The following MSH3 variants were observed in gnomAD, a reference collection of about 807,000 sequenced individuals.
MSH3 encodes the protein DNA mismatch repair protein Msh3.
A neutral mutation model predicts 123.3 loss-of-function variants in MSH3; 106 were observed. That is an observed-to-expected ratio of 0.86 (90% CI 0.73 to 1.01). MSH3 has a LOEUF of 1.01. MSH3 is among the 50% of genes least tolerant of loss of function. The pLI, the probability that MSH3 is intolerant of heterozygous loss-of-function variation, is 0.00. For synonymous variants in MSH3, 515 were observed against 481.4 expected, an observed-to-expected ratio of 1.07 and a Z score of -0.91; for missense variants, 1,459 against 1,347.6, an observed-to-expected ratio of 1.08 and a Z score of -1.29.
intron 8 of MSH3, among the ~76,000 whole-genome samples, chr5:80,706,289 C>A (rs777340928): frequency 2.6e-5 from 4 of 152,036 alleles, no homozygotes; most frequent in African/African-American, 9.7e-5. Flanking sequence ...ACTCAAAAGG[C>A]GTATGATTGA....
intron 8 of MSH3, among the ~76,000 whole-genome samples, chr5:80,690,933 A>G (rs1181742374): frequency 6.6e-6 from 1 of 152,044 alleles, no homozygotes; most frequent in Non-Finnish European, 1.5e-5. Context: ...ATCTGTCTGT[A>G]TATGCCTTCT....
At chr5:80,800,571 CCTTA>C (rs1487459239) in intron 19 of MSH3, among the ~76,000 whole-genome samples, 1 of 152,172 alleles carries the variant, frequency 6.6e-6, no homozygotes, top group African/African-American at 2.4e-5. Flanking sequence ...TTGACCATTT[CCTTA>C]CTTATTGTGT....
intron 18 of MSH3, among the ~76,000 whole-genome samples, chr5:80,788,600 C>T (rs1280348899): frequency 6.6e-6 from 1 of 152,046 alleles, no homozygotes; most frequent in Non-Finnish European, 1.5e-5. Context: ...CTCTTGAAAC[C>T]AGGATTTTGA....
At chr5:80,775,658 C>T (rs1359926225) in intron 15 of MSH3, 36 bp from the exon 16 acceptor site, 1 of 1,185,658 alleles carries the variant, frequency 8.4e-7, no homozygotes, top group Non-Finnish European at 1.3e-6. Flanking sequence ...ATAATGGTTA[C>T]TTATCTAAAT....
chr5:80,821,747 T>C (rs2112066907), intron 20 of MSH3, among the ~76,000 whole-genome samples: 1 of 152,368 alleles, frequency 6.6e-6, no homozygotes, highest in South Asian at 2.1e-4. Flanking sequence ...GCTTTTTACA[T>C]GGGCCACTTA....
chr5:80,762,177 G>A (rs1397527621), intron 13 of MSH3, among the ~76,000 whole-genome samples: 6 of 152,036 alleles, frequency 3.9e-5, no homozygotes, highest in Admixed American at 6.6e-5. Context: ...TACAGTTTGA[G>A]TCATAGCAAA....
intron 22 of MSH3, among the ~76,000 whole-genome samples, chr5:80,869,037 A>G (rs1746153883): frequency 6.6e-6 from 1 of 152,118 alleles, no homozygotes; most frequent in Non-Finnish European, 1.5e-5. Flanking sequence ...ATAATACTCT[A>G]TTTCCTATGA....
At position 80,706,835 on chromosome 5, in the gene MSH3, G is replaced by A. The variant is rs114739848; in HGVS notation, c.1341-18618G>A. On this transcript the variant is annotated intron_variant, in intron 8 of 23. Coordinates refer to ENST00000265081, the MANE Select transcript of MSH3 (RefSeq NM_002439.5). ...AAATCTTTAGGTATAAATTACATAC[G>A]GCAAATATAAAAAGTTTTATTTTTA... Among the ~76,000 whole-genome samples the A allele has an allele frequency of 4.9e-3, 739 of 151,876 alleles. 5 individuals are homozygous for A. The highest frequency in any genetic ancestry group is 8.6e-3 in the Non-Finnish European group (582 of 67,960).
chr5:80,815,602 G>A (rs1399094368), intron 20 of MSH3, among the ~76,000 whole-genome samples: 1 of 152,134 alleles, frequency 6.6e-6, no homozygotes, highest in Non-Finnish European at 1.5e-5. Context: ...TAAGATTGCT[G>A]CTGCAGCTCC....
chr5:80,818,382 T>TTTAAAAAAA (rs1580068996), intron 20 of MSH3, among the ~76,000 whole-genome samples: 1 of 13,754 alleles, frequency 7.3e-5, no homozygotes, highest in African/African-American at 3.2e-4. Flanking sequence ...TTTTTTTTTT[T>TTTAAAAAAA]AACAAATAAA....
intron 12 of MSH3, 59 bp downstream of exon 12, chr5:80,744,674 G>C (rs1342717969): frequency 2.9e-5 from 38 of 1,297,226 alleles, no homozygotes; most frequent in Non-Finnish European, 3.7e-5. Flanking sequence ...GAAATTAAAG[G>C]CATTTTAAAA....
At chr5:80,716,113 A>G (rs1387436174) in intron 8 of MSH3, among the ~76,000 whole-genome samples, 1 of 152,344 alleles carries the variant, frequency 6.6e-6, no homozygotes, top group African/African-American at 2.4e-5. Context: ...TCATTCTGCC[A>G]TTCACTATGA....
At chr5:80,818,443 G>T (rs1745145523) in intron 20 of MSH3, among the ~76,000 whole-genome samples, 1 of 130,414 alleles carries the variant, frequency 7.7e-6, no homozygotes, top group South Asian at 2.7e-4. Context: ...AGAGGGAAGA[G>T]AACCTGCATA....
intron 8 of MSH3, among the ~76,000 whole-genome samples, chr5:80,692,811 A>G (rs1166133494): frequency 7.6e-6 from 1 of 132,082 alleles, no homozygotes; most frequent in Admixed American, 7.5e-5. Context: ...GTATATGTTT[A>G]GATAAATATA....
intron 8 of MSH3, among the ~76,000 whole-genome samples, chr5:80,702,402 T>G (rs2112838837): frequency 6.6e-6 from 1 of 152,272 alleles, no homozygotes; most frequent in East Asian, 1.9e-4. Context: ...CATGCCTCCC[T>G]GATGGCCATA....
At chr5:80,659,250 A>G (rs1749370161) in intron 2 of MSH3, among the ~76,000 whole-genome samples, 1 of 149,802 alleles carries the variant, frequency 6.7e-6, no homozygotes, top group Non-Finnish European at 1.5e-5. Flanking sequence ...AAAAAAAAAG[A>G]TACAGTTATG....
rs574550149 is a variant in MSH3 at position 80,674,299 on chromosome 5, A to G, written c.1028-684A>G. On this transcript the variant is annotated intron_variant, in intron 6 of 23. Coordinates refer to ENST00000265081, the MANE Select transcript of MSH3 (RefSeq NM_002439.5). ...TCCCTGAGATTTAGTTAATGGACTC[A>G]TTTTATACACACATACACAGACATA... Among the ~76,000 whole-genome samples, 5 of 152,236 alleles carry G rather than the reference A, an allele frequency of 3.3e-5. No homozygotes were observed. The South Asian group carries it at 8.3e-4, about 25-fold the overall frequency.
At chr5:80,753,729 G>T (rs1048881351) in intron 12 of MSH3, among the ~76,000 whole-genome samples, 3 of 152,040 alleles carry the variant, frequency 2.0e-5, no homozygotes, top group Non-Finnish European at 2.9e-5. Flanking sequence ...TTCCACATTG[G>T]GGGGTGGGGT....
At chr5:80,695,089 T>TG (rs1036902559) in intron 8 of MSH3, among the ~76,000 whole-genome samples, 44 of 51,476 alleles carry the variant, frequency 8.5e-4, no homozygotes, top group Non-Finnish European at 1.3e-3. Flanking sequence ...TTTTTGTTGT[T>TG]TTTTTTTTTT....
Sources: gnomAD v4.1 joint callset for allele counts (sites outside exome capture counted in the v4.1 genomes callset) on GRCh38, gnomAD v4.1.1 for gene constraint, MANE v1.5 for transcripts, NCBI Gene and HGNC (gene_info 2026-07-23, HGNC 2026-07-21) for gene names.